KCNK2: variants seen among roughly 807,000 people sequenced by gnomAD.
KCNK2 encodes the protein potassium two pore domain channel subfamily K member 2, also known as potassium channel subfamily K member 2.
KCNK2 carries 21 observed loss-of-function variants against 40.5 expected under a neutral mutation model. The ratio of observed to expected loss-of-function variants is 0.52; its 90% CI spans 0.37 to 0.75. KCNK2 has a LOEUF of 0.75. Ranked by LOEUF, KCNK2 falls within the 30% of genes least tolerant of loss-of-function variation. KCNK2 has a pLI of 0.00. For synonymous variants in KCNK2, 191 were observed against 202.2 expected (o/e 0.94, Z 0.47); for missense variants, 399 against 531.6 (o/e 0.75, Z 2.45).
chr1:215,032,981 C>G (rs1206588666), intron 1 of KCNK2, among the ~76,000 whole-genome samples: 1 of 151,892 alleles, frequency 6.6e-6, no homozygotes, highest in East Asian at 1.9e-4. Flanking sequence ...CCAGTATTCT[C>G]ATTATATGTA....
intron 1 of KCNK2, among the ~76,000 whole-genome samples, chr1:215,042,394 A>G (rs1365038726): frequency 6.6e-6 from 1 of 152,186 alleles, no homozygotes. Flanking sequence ...AAGGGATAGG[A>G]AAAGAAACTT....
chr1:215,120,276 C>T (rs1260931177), intron 2 of KCNK2, among the ~76,000 whole-genome samples: 6 of 152,086 alleles, frequency 3.9e-5, no homozygotes, highest in African/African-American at 1.4e-4. Flanking sequence ...GTTATGAAGG[C>T]TATATTAAAT....
At chr1:215,161,827 T>A (rs574045028) in intron 3 of KCNK2, among the ~76,000 whole-genome samples, 3 of 152,344 alleles carry the variant, frequency 2.0e-5, no homozygotes, top group African/African-American at 7.2e-5. Flanking sequence ...AGTTTGTCAT[T>A]GATGGGCATT....
chr1:215,214,458 C>T (rs1455447405), intron 6 of KCNK2, among the ~76,000 whole-genome samples: 1 of 152,122 alleles, frequency 6.6e-6, no homozygotes. Flanking sequence ...ATACCCAAAC[C>T]ATATCAGCAT....
chr1:215,151,186 A>C (rs1167166799), intron 3 of KCNK2, among the ~76,000 whole-genome samples: 2 of 152,110 alleles, frequency 1.3e-5, no homozygotes, highest in Non-Finnish European at 2.9e-5. Context: ...AAAATATTGC[A>C]CATCTACCTT....
chr1:215,149,222 G>A (rs758857213), intron 3 of KCNK2, among the ~76,000 whole-genome samples: 5 of 152,134 alleles, frequency 3.3e-5, no homozygotes, highest in Admixed American at 6.5e-5. Flanking sequence ...GGGTTGTGGT[G>A]GTAAGGAGGT....
At position 215,233,451 on chromosome 1, in the gene KCNK2, TAC is replaced by T. The variant is rs35194601; in HGVS notation, c.964-1354_964-1353del. 8.3e-3 allele frequency among the ~76,000 whole-genome samples: 1,244 copies of T among 149,034 alleles called. 6 individuals carry two copies. Among genetic ancestry groups the T allele is most frequent in the African/African-American group, 0.015 (619 of 40,614 alleles). ...TTGAAGTTTCATTTCTGTTTTTGAG[TAC>T]ACACACACACACACACACACACGTA... is the stretch of plus-strand genomic sequence containing the variant. On this transcript the variant is annotated intron_variant, in intron 6 of 6. Coordinates refer to ENST00000444842, the MANE Select transcript of KCNK2 (RefSeq NM_001017425.3).
At chr1:215,108,516 A>G (rs1385943983) in intron 2 of KCNK2, among the ~76,000 whole-genome samples, 1 of 151,956 alleles carries the variant, frequency 6.6e-6, no homozygotes, top group Non-Finnish European at 1.5e-5. Context: ...TTTTTGTTTG[A>G]CATAGTCCTA....
At chr1:215,044,793 GTA>G (rs1223563681) in intron 1 of KCNK2, among the ~76,000 whole-genome samples, 1,902 of 81,520 alleles carry the variant, frequency 0.023, 39 homozygotes, top group African/African-American at 0.069. Context: ...GGGGATAAGT[GTA>G]TGTGTGTGTG....
chr1:215,108,887 A>C (rs1473144486), intron 2 of KCNK2, among the ~76,000 whole-genome samples: 1 of 151,984 alleles, frequency 6.6e-6, no homozygotes, highest in Non-Finnish European at 1.5e-5. Context: ...TTCACGTGCT[A>C]ACATGGAGTG....
At chr1:215,050,205 A>C (rs1571870260) in intron 1 of KCNK2, among the ~76,000 whole-genome samples, 1 of 152,112 alleles carries the variant, frequency 6.6e-6, no homozygotes, top group Non-Finnish European at 1.5e-5. Flanking sequence ...GATTCTATAC[A>C]TATTTTGTTA....
chr1:215,066,421 A>C (rs1658546496), intron 1 of KCNK2, among the ~76,000 whole-genome samples: 1 of 152,214 alleles, frequency 6.6e-6, no homozygotes, highest in Non-Finnish European at 1.5e-5. Flanking sequence ...AACCAAAATC[A>C]ATATGGATAC....
intron 3 of KCNK2, among the ~76,000 whole-genome samples, chr1:215,162,560 C>G (rs556327444): frequency 2.6e-5 from 4 of 152,036 alleles, no homozygotes; most frequent in African/African-American, 7.2e-5. Context: ...TTTGGTCTTA[C>G]GTTTAAGTCT....
At position 215,062,859 on chromosome 1, in the gene KCNK2, G is replaced by T. The variant is rs548576832; in HGVS notation, c.35-23509G>T. Among the ~76,000 whole-genome samples, 19 of 152,144 alleles carry T rather than the reference G, an allele frequency of 1.2e-4. No individual in the cohort carries two copies. In the South Asian group the frequency reaches 3.7e-3, roughly 30 times the overall value. On this transcript the variant is annotated intron_variant, in intron 1 of 6. Transcript: ENST00000391895. ...TCAACTATGTGTTGGGTGCCGGTCA[G>T]AAATTTTGAAATACAAGAAGGAAAA...
rs531667353 is a variant in KCNK2, at chr1:215,063,306, A to G, written c.35-23062A>G. 4.6e-5 allele frequency among the ~76,000 whole-genome samples: 7 copies of G among 152,268 alleles called. No homozygotes were observed. The South Asian group carries it at 1.5e-3, about 32-fold the overall frequency. On this transcript the variant is annotated intron_variant, in intron 1 of 6. Transcript: ENST00000391895. ...AAGCCACTGGCAGGTTTTCAGCTGG[A>G]TTGTACTATTGTCAGAGCTGTAGTC...
At chr1:215,099,880 A>G (rs954095039) in intron 2 of KCNK2, among the ~76,000 whole-genome samples, 8 of 152,052 alleles carry the variant, frequency 5.3e-5, no homozygotes, top group Non-Finnish European at 1.0e-4. Flanking sequence ...TTAAAACAGG[A>G]CATGTTCCCA....
chr1:215,158,767 C>T (rs61818340), intron 3 of KCNK2, among the ~76,000 whole-genome samples: 16,216 of 152,146 alleles, frequency 0.11, 2,396 homozygotes, highest in African/African-American at 0.33. Context: ...ATAACTCAGA[C>T]GCCTGCCCTA....
chr1:215,217,434 C>T (rs1451595258), intron 6 of KCNK2, among the ~76,000 whole-genome samples: 1 of 152,114 alleles, frequency 6.6e-6, no homozygotes, highest in East Asian at 1.9e-4. Context: ...GATATACATG[C>T]ATTAACCTCT....
chr1:215,212,790 G>A (rs1055724050), intron 6 of KCNK2, among the ~76,000 whole-genome samples: 4 of 152,192 alleles, frequency 2.6e-5, no homozygotes, highest in African/African-American at 9.7e-5. Flanking sequence ...TAGCAGGAAT[G>A]TTCTTTATTA....
Sources: allele counts gnomAD v4.1 joint callset (sites outside exome capture counted in the v4.1 genomes callset), GRCh38; gene constraint gnomAD v4.1.1; transcripts MANE v1.5; gene names NCBI Gene and HGNC (gene_info 2026-07-23, HGNC 2026-07-21).